The following PSAP variants were observed in gnomAD, a reference collection of about 807,000 sequenced individuals.
PSAP encodes the protein prosaposin.
Under a neutral mutation model 66.0 loss-of-function variants are expected in PSAP, and 25 were observed. That is an observed-to-expected ratio of 0.38 (90% confidence interval 0.28 to 0.53). The LOEUF is 0.53. Among genes scored for constraint, PSAP ranks in the 20% least tolerant of loss-of-function variants. The pLI, the probability that PSAP is intolerant of heterozygous loss-of-function variation, is 0.83. For missense variants in PSAP, 649 were observed against 668.8 expected (o/e 0.97, Z 0.33); for synonymous variants, 273 against 258.9 (o/e 1.05, Z -0.52).
chr10:71,850,368 T>G (rs61853695), intron 1 of PSAP, among the ~76,000 whole-genome samples: 3,005 of 152,352 alleles, frequency 0.02, 47 homozygotes, highest in Middle Eastern at 0.058. Flanking sequence ...ATTCTAGGTT[T>G]TCAGATAAAC....
intron 1 of PSAP, among the ~76,000 whole-genome samples, chr10:71,835,835 A>AC (rs1842614109): frequency 7.4e-6 from 1 of 135,166 alleles, no homozygotes; most frequent in Non-Finnish European, 1.5e-5. Flanking sequence ...AAAAAAAAAA[A>AC]AAAACAAAAC....
At chr10:71,826,355 CA>C (rs1454764581) in intron 6 of PSAP, among the ~76,000 whole-genome samples, 1 of 152,208 alleles carries the variant, frequency 6.6e-6, no homozygotes, top group Non-Finnish European at 1.5e-5. Context: ...TGCTTATTTT[CA>C]GACAATCTAG....
rs776885092 is a variant in PSAP at position 71,831,157 on chromosome 10, G to A, written c.344C>T (p.Pro115Leu). 6.2e-7 allele frequency: 1 copy of A among 1,614,132 alleles called. No homozygotes were observed. The highest frequency in any genetic ancestry group is 8.5e-7 in the Non-Finnish European group (1 of 1,180,000). Residue 115 changes from proline (P) to leucine (L), a missense_variant, in exon 4 of 14, where the codon CCT (proline) becomes CTT (leucine). Pro to Leu is a moderately conservative substitution (Grantham distance 98, BLOSUM62 -3). Transcript: ENST00000394936. ...SCKEIVDSYL[P>L]VILDIIKGEM... ...TCCTTTAATGATGTCCAGGATGACA[G>A]GGAGGTAGGAGTCCACTATCTCCTT...
chr10:71,820,007 G>C, intron 9 of PSAP, 107 bp from the exon 10 acceptor site: 3 of 1,070,618 alleles, frequency 2.8e-6, no homozygotes, highest in Non-Finnish European at 4.2e-6. Context: ...GGTGGGTGCC[G>C]TTTCCACCCA....
chr10:71,827,413 AAAAAG>A (rs1196735561), intron 6 of PSAP, among the ~76,000 whole-genome samples: 10 of 146,124 alleles, frequency 6.8e-5, no homozygotes, highest in Non-Finnish European at 1.4e-4. Flanking sequence ...AAGAAAAAAA[AAAAAG>A]AAAAGAAAAG....
In PSAP at chr10:71,842,254, T is replaced by G. The variant is rs527390003; in HGVS notation, c.41-7749A>C. ...TGACATGACATTGCAACAGACTGAA[T>G]GCCCAAGCAGCTAATAATCCAGCCA... On this transcript the variant is annotated intron_variant, in intron 1 of 13. Coordinates refer to ENST00000394936, the MANE Select transcript of PSAP (RefSeq NM_002778.4). Among the ~76,000 whole-genome samples, 18 of 152,308 alleles carry G rather than the reference T, an allele frequency of 1.2e-4. No individual in the cohort carries two copies. The South Asian group carries it at 2.9e-3, about 25-fold the overall frequency.
At position 71,851,186 on chromosome 10, in the gene PSAP, G is replaced by A. The variant is rs1397505367; in HGVS notation, c.36C>T (p.Gly12=). Residue 12 remains glycine, a synonymous_variant, in exon 1 of 14, where the codon GGC becomes GGT. Coordinates refer to ENST00000394936, the MANE Select transcript of PSAP (RefSeq NM_002778.4). ...GATGAGGGTCCCAGGGCTTACCCGC[G>A]CCCAGGAGGCTGGCCAGGAGGAAGA... ...YALFLLASLL[G]AALAGPVLGL... is the part of the protein sequence containing the mutation. 2.6e-6 allele frequency: 4 copies of A among 1,551,086 alleles called. No homozygotes were observed. The highest frequency in any genetic ancestry group is 1.2e-5 in the South Asian group (1 of 84,060).
At chr10:71,840,161 T>C (rs1842708768) in intron 1 of PSAP, among the ~76,000 whole-genome samples, 1 of 151,710 alleles carries the variant, frequency 6.6e-6, no homozygotes. Flanking sequence ...ACATGCTAAG[T>C]ACAATTTGAA....
rs1842351095 is a variant in PSAP at position 71,823,896 on chromosome 10, G to A, written c.778-1889C>T. On this transcript the variant is annotated intron_variant, in intron 7 of 13. Coordinates refer to ENST00000394936, the MANE Select transcript of PSAP (RefSeq NM_002778.4). ...GATTCCCCGACACATACCTGATCCT[G>A]CTGTTGAACAAAAAAACAGGAAATC... The A allele has an allele frequency of 7.7e-7, 1 of 1,298,270 alleles. No individual in the cohort carries two copies. The highest frequency in any genetic ancestry group is 2.1e-4 in the Middle Eastern group (1 of 4,706). The allele number at this position is 1,298,270 out of a possible 1,614,324, so 80.4% of individuals were successfully genotyped here.
intron 7 of PSAP, 189 bp from the exon 8 acceptor site, chr10:71,822,196 A>G: frequency 1.4e-6 from 1 of 714,638 alleles, no homozygotes; most frequent in Non-Finnish European, 2.4e-6. Context: ...AGCAGTGCAT[A>G]TGTGCCAGTT....
intron 6 of PSAP, among the ~76,000 whole-genome samples, chr10:71,827,726 CAA>C (rs1183654773): frequency 2.2e-4 from 19 of 84,524 alleles, no homozygotes; most frequent in Non-Finnish European, 2.7e-4. Context: ...CACTCAGTCT[CAA>C]AAAAAAAAAA....
Position 71,820,198 on chromosome 10 carries a change from G to A in PSAP, c.1005+42C>T, listed in dbSNP as rs111759923. 52 of 1,534,278 alleles carry A rather than the reference G, an allele frequency of 3.4e-5. No homozygotes were observed. In the African/African-American group the frequency reaches 4.8e-4, roughly 14 times the overall value. On this transcript the variant is annotated intron_variant, in intron 9 of 13. Coordinates refer to ENST00000394936, the MANE Select transcript of PSAP (RefSeq NM_002778.4). ...TTCCCACTGGGACATTCAGGCTCGG[G>A]GGGGCAGGAGAGGCCCTCCCTCTGC...
At chr10:71,825,690 T>A (rs368820362) in intron 7 of PSAP, 147 bp downstream of exon 7, 1 of 745,698 alleles carries the variant, frequency 1.3e-6, no homozygotes, top group African/African-American at 1.7e-5. Flanking sequence ...AAGTGGAGAG[T>A]CTCCTAGCCA....
chr10:71,832,023 A>G, intron 2 of PSAP, 103 bp from the exon 3 acceptor site: 1 of 1,184,694 alleles, frequency 8.4e-7, no homozygotes, highest in East Asian at 2.3e-5. Context: ...CTAACCAGGG[A>G]TATGATCATG....
chr10:71,819,888 C>T lies in PSAP; in HGVS notation c.1018G>A (p.Asp340Asn), dbSNP rs759154767. The T allele has an allele frequency of 8.7e-6, 14 of 1,614,018 alleles. No homozygotes were observed. The highest frequency in any genetic ancestry group is 2.2e-5 in the East Asian group (1 of 44,870). The change falls in exon 10 of 14, where the codon GAC becomes AAC. Residue 340 changes from aspartate (D) to asparagine (N), a missense_variant. Asp to Asn is a conservative substitution (Grantham distance 23). Transcript: ENST00000394936. ...DNNKTEKEIL[D>N]AFDKMCSKLP... Reference sequence around the variant, plus strand: ...TTCGAGCACATTTTGTCAAAAGCGTCGAGTATTTCTTTCTGAAACACACGA... The same window carrying T: ...TTCGAGCACATTTTGTCAAAAGCGTTGAGTATTTCTTTCTGAAACACACGA...
intron 1 of PSAP, among the ~76,000 whole-genome samples, chr10:71,850,329 A>C (rs912486356): frequency 6.6e-6 from 1 of 152,248 alleles, no homozygotes; most frequent in African/African-American, 2.4e-5. Context: ...ACAATCCTTT[A>C]TCTTAACTTG....
At position 71,817,457 on chromosome 10, in the gene PSAP, C is replaced by T. The variant is rs545627914; in HGVS notation, c.1559G>A (p.Arg520His). The change falls in exon 14 of 14, where the codon CGC (arginine) becomes CAC (histidine). Residue 520 changes from arginine (R) to histidine (H), a missense_variant. Coordinates refer to ENST00000394936, the MANE Select transcript of PSAP (RefSeq NM_002778.4). ...AQCNAVEHCK[R>H]HVWN The stretch of plus-strand genomic sequence containing the variant: ...TTCCTCCTCCTAGTTCCACACATGG[C>T]GTTTGCAATGCTCGACAGCCTGGTA... The T allele has an allele frequency of 1.5e-5, 25 of 1,614,188 alleles. No homozygotes were observed. The Admixed American group carries it at 3.3e-4, about 22-fold the overall frequency.
chr10:71,822,238 T>C (rs536660462), intron 7 of PSAP: 1 of 583,354 alleles, frequency 1.7e-6, no homozygotes, highest in Non-Finnish European at 3.1e-6. Flanking sequence ...ACAAAGCTCC[T>C]AAGGAACATC....
At chr10:71,841,541 G>A (rs932337031) in intron 1 of PSAP, among the ~76,000 whole-genome samples, 9 of 152,104 alleles carry the variant, frequency 5.9e-5, no homozygotes, top group Non-Finnish European at 2.9e-5. Flanking sequence ...CACCACAGAG[G>A]GCTGTTATGA....
Sources: gnomAD v4.1 joint callset for allele counts (sites outside exome capture counted in the v4.1 genomes callset) on GRCh38, gnomAD v4.1.1 for gene constraint, MANE v1.5 for transcripts, NCBI Gene and HGNC (gene_info 2026-07-23, HGNC 2026-07-21) for gene names.